The following GNAL variants were observed in gnomAD, a reference collection of about 807,000 sequenced individuals.
GNAL encodes the protein guanine nucleotide-binding protein G(olf) subunit alpha.
A neutral mutation model predicts 55.1 loss-of-function variants in GNAL; 18 were observed. The ratio of observed to expected loss-of-function variants is 0.33; its 90% CI spans 0.23 to 0.48. GNAL has a LOEUF of 0.48. Ranked by LOEUF, GNAL falls within the 20% of genes least tolerant of loss-of-function variation. GNAL has a pLI of 0.99. For synonymous variants in GNAL, 253 were observed against 237.0 expected (o/e 1.07, Z -0.62); for missense variants, 412 against 614.1 (o/e 0.67, Z 3.48).
intron 1 of GNAL, among the ~76,000 whole-genome samples, chr18:11,707,821 G>A (rs1379688132): frequency 6.6e-6 from 1 of 152,164 alleles, no homozygotes. Context: ...TTCTATATTA[G>A]CATTTGCTGC....
intron 4 of GNAL, among the ~76,000 whole-genome samples, chr18:11,765,939 C>T (rs1205213166): frequency 6.6e-6 from 1 of 152,180 alleles, no homozygotes; most frequent in East Asian, 1.9e-4. Context: ...GACCCTTGCT[C>T]TTTTCAGAAG....
At position 11,751,421 on chromosome 18, in the gene GNAL, TG is replaced by T. The variant is rs1214672271; in HGVS notation, c.377-1430del. 1.4e-6 allele frequency: 1 copy of T among 718,206 alleles called. No homozygotes were observed. Among genetic ancestry groups the T allele is most frequent in the Non-Finnish European group, 1.7e-6 (1 of 585,644 alleles). 44.5% of individuals were successfully genotyped at this position (718,206 alleles called of 1,614,324 possible). A position where few individuals can be genotyped will look rare whatever the true frequency, so the allele number is the denominator to read the frequency against. ...AGCACTGCACAGGAGAAACGGGGGC[TG>T]GAGGTAAAGACAGGAGGCTCGGGAG... is the stretch of plus-strand genomic sequence containing the variant. On this transcript the variant is annotated intron_variant, in intron 1 of 11. Transcript: ENST00000334049. The surrounding 1 kb of genome is among the most constrained non-coding windows in gnomAD (Gnocchi z 4.5).
chr18:11,867,731 G>A (rs530150988), intron 8 of GNAL, among the ~76,000 whole-genome samples: 10 of 150,890 alleles, frequency 6.6e-5, no homozygotes, highest in African/African-American at 1.7e-4. Flanking sequence ...GGAGAATGGC[G>A]TGAACCTGGG....
chr18:11,878,101 C>T (rs2036575165), intron 11 of GNAL, among the ~76,000 whole-genome samples: 1 of 152,108 alleles, frequency 6.6e-6, no homozygotes, highest in African/African-American at 2.4e-5. Flanking sequence ...AAATGCTGTT[C>T]TAATGAGAAC....
chr18:11,828,662 A>T (rs80024186), intron 5 of GNAL, among the ~76,000 whole-genome samples: 1 of 79,572 alleles, frequency 1.3e-5, no homozygotes, highest in Non-Finnish European at 2.5e-5. Context: ...TTTCTGTTGT[A>T]AAAAAAAAAA....
intron 4 of GNAL, among the ~76,000 whole-genome samples, chr18:11,759,136 C>G (rs900039467): frequency 7.9e-5 from 12 of 151,970 alleles, no homozygotes; most frequent in African/African-American, 2.7e-4. Flanking sequence ...TCGTGATATT[C>G]CACTCCAGCC....
intron 5 of GNAL, chr18:11,851,521 A>G (rs749979805): frequency 1.9e-6 from 3 of 1,591,080 alleles, no homozygotes; most frequent in Non-Finnish European, 1.7e-6. Context: ...TATGTCTAAC[A>G]TGGAGAAACA....
chr18:11,803,334 C>T (rs1028067334), intron 4 of GNAL, among the ~76,000 whole-genome samples: 1 of 152,214 alleles, frequency 6.6e-6, no homozygotes, highest in Non-Finnish European at 1.5e-5. Context: ...CCTTCTGTGA[C>T]AGGCTCATGT....
At chr18:11,805,009 C>A in intron 4 of GNAL, among the ~76,000 whole-genome samples, 1 of 148,030 alleles carries the variant, frequency 6.8e-6, no homozygotes, top group South Asian at 2.2e-4. Context: ...AGTACAGATG[C>A]AGTTTGAATG....
intron 5 of GNAL, chr18:11,851,433 C>A (rs948137150): frequency 1.6e-5 from 23 of 1,436,312 alleles, no homozygotes; most frequent in Non-Finnish European, 2.1e-5. Flanking sequence ...GAGCGGCGGC[C>A]GGGAGCGGAC....
intron 4 of GNAL, among the ~76,000 whole-genome samples, chr18:11,823,441 T>C (rs2035157669): frequency 1.3e-5 from 2 of 152,214 alleles, no homozygotes; most frequent in African/African-American, 4.8e-5. Flanking sequence ...TCTGATACTG[T>C]GAAATCAGAA....
rs572752973 is a variant in GNAL at position 11,862,287 on chromosome 18, C to T, written c.723-108C>T. ...GTAAGAACTCACTTCAGCTTCTTGG[C>T]CTGCCCCCATCCTTGCTGTACTTGG... On this transcript the variant is annotated intron_variant, in intron 5 of 11. Coordinates refer to ENST00000334049, the MANE Select transcript of GNAL (RefSeq NM_182978.4). 25 of 756,640 alleles carry T rather than the reference C, an allele frequency of 3.3e-5. No individual in the cohort carries two copies. In the Middle Eastern group the frequency reaches 9.7e-4, roughly 29 times the overall value. The allele number at this position is 756,640 out of a possible 1,614,324, so 46.9% of individuals were successfully genotyped here.
At chr18:11,759,247 C>G (rs2033160536) in intron 4 of GNAL, among the ~76,000 whole-genome samples, 2 of 152,132 alleles carry the variant, frequency 1.3e-5, no homozygotes, top group African/African-American at 4.8e-5. Context: ...TCCTTTAGCA[C>G]TATACCAAGC....
intron 1 of GNAL, among the ~76,000 whole-genome samples, chr18:11,694,195 G>A (rs1304579508): frequency 6.6e-6 from 1 of 151,970 alleles, no homozygotes; most frequent in African/African-American, 2.4e-5. Context: ...GGTTAGTCCC[G>A]TCTCCCATCA....
intron 5 of GNAL, among the ~76,000 whole-genome samples, chr18:11,834,556 AT>A (rs1205062822): frequency 1.3e-5 from 2 of 151,302 alleles, no homozygotes; most frequent in Non-Finnish European, 1.5e-5. Flanking sequence ...AAAAAAAAAA[AT>A]ACCCCCAAAA....
At chr18:11,839,574 T>TAAAAAA (rs2035569512) in intron 5 of GNAL, among the ~76,000 whole-genome samples, 2 of 53,608 alleles carry the variant, frequency 3.7e-5, no homozygotes, top group African/African-American at 1.2e-4. Context: ...AAAAAATTTT[T>TAAAAAA]TTTCTTTAAA....
rs78664790 is a variant in GNAL, at chr18:11,796,852, T to G, written c.625-28066T>G. Reference sequence around the variant, plus strand: ...AGTATCCCATTACTCATTTCCAAATTTCCTAATGTAGTCATTTAATTTTTT... The same window carrying G: ...AGTATCCCATTACTCATTTCCAAATGTCCTAATGTAGTCATTTAATTTTTT... On this transcript the variant is annotated intron_variant, in intron 4 of 11. Transcript: ENST00000334049. Among the ~76,000 whole-genome samples the G allele has an allele frequency of 2.8e-4, 43 of 152,314 alleles. 1 individual carries two copies. The East Asian group carries it at 8.1e-3, about 29-fold the overall frequency.
At chr18:11,713,866 T>C (rs1311687965) in intron 1 of GNAL, among the ~76,000 whole-genome samples, 4 of 152,174 alleles carry the variant, frequency 2.6e-5, no homozygotes, top group African/African-American at 9.7e-5. Flanking sequence ...GTGAGACCCA[T>C]GCACAAAGCA....
chr18:11,711,100 C>T (rs577199188), intron 1 of GNAL, among the ~76,000 whole-genome samples: 12 of 152,296 alleles, frequency 7.9e-5, no homozygotes, highest in African/African-American at 2.9e-4. Context: ...TGGTCTCGAT[C>T]TCCTGACCTC....
Sources: gnomAD v4.1 joint callset for allele counts (sites outside exome capture counted in the v4.1 genomes callset) on GRCh38, gnomAD v4.1.1 for gene constraint, Gnocchi (gnomAD v3.1) non-coding constraint, MANE v1.5 for transcripts, NCBI Gene and HGNC (gene_info 2026-07-23, HGNC 2026-07-21) for gene names.